Variants in TNRC18 observed in about 807,000 individuals in gnomAD.
TNRC18 encodes the protein trinucleotide repeat containing 18.
A neutral mutation model predicts 226.7 loss-of-function variants in TNRC18; 69 were observed. The ratio of observed to expected loss-of-function variants is 0.30; its 90% CI spans 0.25 to 0.37. TNRC18 has a LOEUF of 0.37. TNRC18 is among the 10% of genes least tolerant of loss of function. The pLI, the probability that TNRC18 is intolerant of heterozygous loss-of-function variation, is 1.00. For missense variants in TNRC18, 4,754 were observed against 4,256.6 expected (o/e 1.12, Z -3.25); for synonymous variants, 2,449 against 1,927.6 (o/e 1.27, Z -7.09).
At chr7:5,381,944 C>T (rs1779425203) in intron 5 of TNRC18, among the ~76,000 whole-genome samples, 1 of 151,556 alleles carries the variant, frequency 6.6e-6, no homozygotes, top group Non-Finnish European at 1.5e-5. Flanking sequence ...CCAGCCTGGG[C>T]GACAGAGTGA....
rs564545450 is a variant in TNRC18, at chr7:5,307,080, G to A, written c.*1026C>T. 6.7e-6 allele frequency: 1 copy of A among 149,674 alleles called. No homozygotes were observed. The highest frequency in any genetic ancestry group is 2.4e-5 in the African/African-American group (1 of 40,924). The allele number at this position is 149,674 out of a possible 1,614,324, so 9.3% of individuals were successfully genotyped here. ...TCCCTAACAAACACTTCTCTATCCT[G>A]GGGGGTGAGTACAGTACACTTGGTG... On this transcript the variant is annotated 3_prime_UTR_variant, in exon 30 of 30. Transcript: ENST00000430969.
rs553844238 is a variant in TNRC18 at position 5,394,737 on chromosome 7, G to A, written c.188-142C>T. ...TGATGCTGGCCAGGAGACCAAAGAG[G>A]GTTCCCCTGCTCCGGCCCCACCCCT... On this transcript the variant is annotated intron_variant, in intron 2 of 29. Transcript: ENST00000430969. The surrounding 1 kb of genome is among the most constrained non-coding windows in gnomAD (Gnocchi z 4.5). 126 of 669,288 alleles carry A rather than the reference G, an allele frequency of 1.9e-4. 1 individual carries two copies. The African/African-American group carries it at 2.1e-3, about 11-fold the overall frequency. 41.5% of individuals were successfully genotyped at this position (669,288 alleles called of 1,614,324 possible). A position where few individuals can be genotyped will look rare whatever the true frequency, so the allele number is the denominator to read the frequency against.
At chr7:5,390,827 C>T (rs1051729726) in intron 3 of TNRC18, among the ~76,000 whole-genome samples, 199 bp from the exon 4 acceptor site, 9 of 152,020 alleles carry the variant, frequency 5.9e-5, no homozygotes, top group Admixed American at 2.0e-4. Context: ...GCAGCCCTCA[C>T]GGGGGACTGG....
chr7:5,385,455 T>A (rs1166355594), intron 5 of TNRC18, among the ~76,000 whole-genome samples: 1 of 129,760 alleles, frequency 7.7e-6, no homozygotes, highest in African/African-American at 2.7e-5. Flanking sequence ...GCCACTGCAG[T>A]CCGCAGTCCG....
chr7:5,347,218 C>T (rs771009608), intron 17 of TNRC18, among the ~76,000 whole-genome samples: 2 of 147,690 alleles, frequency 1.4e-5, no homozygotes, highest in East Asian at 2.0e-4. Flanking sequence ...GATAGAGTCT[C>T]GCTCTGTCAC....
At chr7:5,308,711 C>T (rs1343469758) in intron 29 of TNRC18, among the ~76,000 whole-genome samples, 164 bp downstream of exon 29, 3 of 152,120 alleles carry the variant, frequency 2.0e-5, no homozygotes, top group South Asian at 2.1e-4. Flanking sequence ...ACCAGAGAGA[C>T]AGAGAACAGG....
rs1367005463 is a variant in TNRC18 at position 5,309,121 on chromosome 7, C to T, written c.8625+11G>A. The T allele has an allele frequency of 1.6e-5, 26 of 1,597,856 alleles. No homozygotes were observed. Among genetic ancestry groups the T allele is most frequent in the South Asian group, 7.9e-5 (7 of 89,028 alleles). On this transcript the variant is annotated intron_variant, in intron 28 of 29. Coordinates refer to ENST00000430969, the MANE Select transcript of TNRC18 (RefSeq NM_001080495.3). This position sits in a 1 kb window ranked among gnomAD's most constrained non-coding sequence, Gnocchi z 5.7. ...CTAGGACTGGGGGCCGCAGCCGGGC[C>T]GCAGGCTCACCTGGCCCTGGTGGAA...
At chr7:5,385,991 A>AAAAAAC (rs1779755791) in intron 5 of TNRC18, among the ~76,000 whole-genome samples, 1 of 148,748 alleles carries the variant, frequency 6.7e-6, no homozygotes, top group African/African-American at 2.5e-5. Flanking sequence ...TCAAAAAAAA[A>AAAAAAC]AAAAAAAAAA....
In TNRC18 at chr7:5,388,694, G is replaced by A. The variant is rs1462520136; in HGVS notation, c.1130C>T (p.Ser377Phe). The A allele has an allele frequency of 2.4e-6, 3 of 1,264,164 alleles. No homozygotes were observed. Among genetic ancestry groups the A allele is most frequent in the South Asian group, 2.1e-5 (1 of 46,852 alleles). 78.3% of individuals were successfully genotyped at this position (1,264,164 alleles called of 1,614,324 possible). The change falls in exon 5 of 30, where the codon TCC (serine) becomes TTC (phenylalanine). Residue 377 changes from serine (S) to phenylalanine (F), a missense_variant. Coordinates refer to ENST00000430969, the MANE Select transcript of TNRC18 (RefSeq NM_001080495.3). ...CGGGCGCTCGTCGAAGGCCTCCACG[G>A]AAGGCACGAAGGTGGGCGCCACCAC... ...HRVVAPTFVP[S>F]VEAFDERPGP...
At chr7:5,420,412 T>G (rs1782485662) in intron 2 of TNRC18, 1 of 455,684 alleles carries the variant, frequency 2.2e-6, no homozygotes, top group African/African-American at 2.0e-5. Context: ...AAACAAGGGG[T>G]CCCCGAGGGC....
At chr7:5,357,346 C>A in intron 15 of TNRC18, 70 bp from the exon 16 acceptor site, 1 of 1,484,794 alleles carries the variant, frequency 6.7e-7, no homozygotes, top group Non-Finnish European at 9.0e-7. Flanking sequence ...AGTGCACATG[C>A]TCTGCCCAGC....
chr7:5,380,094 C>T (rs76186494), intron 5 of TNRC18, among the ~76,000 whole-genome samples: 59 of 152,222 alleles, frequency 3.9e-4, no homozygotes, highest in Admixed American at 6.5e-4. Context: ...AACTTGGAAT[C>T]AAGCTTCTCC....
chr7:5,309,162 G>A lies in TNRC18; in HGVS notation c.8595C>T (p.Thr2865=), dbSNP rs756788969. ...RVKWFYHPEE[T]SPGKQFHQGQ... ...CCTGGTGGAACTGCTTGCCCGGGCT[G>A]GTCTCCTCGGGGTGGTAGAACCACT... Residue 2865 remains threonine (T), a synonymous_variant, in exon 28 of 30, where the codon ACC becomes ACT. Transcript: ENST00000430969. The surrounding 1 kb of genome is among the most constrained non-coding windows in gnomAD (Gnocchi z 5.7). The A allele has an allele frequency of 5.0e-6, 8 of 1,611,954 alleles. No homozygotes were observed. The highest frequency in any genetic ancestry group is 2.2e-5 in the East Asian group (1 of 44,864).
At chr7:5,390,837 GGGTCTCCAGTCCCCCCC>G (rs1780241330) in intron 3 of TNRC18, among the ~76,000 whole-genome samples, 1 of 151,984 alleles carries the variant, frequency 6.6e-6, no homozygotes, top group Non-Finnish European at 1.5e-5. Flanking sequence ...CGGGGGACTG[GGGTCTCCAGTCCCCCCC>G]AGAAAGAGGA....
chr7:5,409,851 C>T (rs1379106188), intron 2 of TNRC18, among the ~76,000 whole-genome samples: 2 of 148,420 alleles, frequency 1.3e-5, no homozygotes, highest in South Asian at 2.1e-4. Context: ...ATTAGCCAGG[C>T]GTGGTGGCCG....
intron 21 of TNRC18, among the ~76,000 whole-genome samples, chr7:5,322,608 C>T (rs1416885562): frequency 6.6e-6 from 1 of 152,226 alleles, no homozygotes; most frequent in African/African-American, 2.4e-5. Flanking sequence ...TGAGACTTTC[C>T]ATCCACTTTT....
rs549108764 is a variant in TNRC18, at chr7:5,389,471, T to TTTGTTTTTTTTTTC, written c.488-136_488-135insGAAAAAAAAAACAA. On this transcript the variant is annotated intron_variant, in intron 4 of 29. Transcript: ENST00000430969. ...AGTGTTTTGGTTTTGGTTTTTTTTT[T>TTTGTTTTTTTTTTC]CAGAAAGAGTCTCGCTCTCCTCACC... 32 of 927,110 alleles carry TTTGTTTTTTTTTTC rather than the reference T, an allele frequency of 3.5e-5. 1 individual carries two copies. The highest frequency in any genetic ancestry group is 2.1e-4 in the Admixed American group (4 of 19,462). The allele number at this position is 927,110 out of a possible 1,614,324, so 57.4% of individuals were successfully genotyped here.
At chr7:5,333,762 G>A (rs372955009) in intron 18 of TNRC18, among the ~76,000 whole-genome samples, 2 of 152,080 alleles carry the variant, frequency 1.3e-5, no homozygotes, top group East Asian at 1.9e-4. Context: ...CAGCTCCCCC[G>A]ACCTCTCCTT....
In TNRC18 at chr7:5,389,221, C is replaced by T. The variant is rs1030769141; in HGVS notation, c.603G>A (p.Ser201=). The T allele has an allele frequency of 2.2e-6, 3 of 1,333,676 alleles. No individual in the cohort carries two copies. Among genetic ancestry groups the T allele is most frequent in the East Asian group, 3.2e-5 (1 of 30,792 alleles). 82.6% of individuals were successfully genotyped at this position (1,333,676 alleles called of 1,614,324 possible). ...CCCGCTCCTTGGCTGGACCGTCCCG[C>T]GACGACGAGCCTTTGGCCGGGGCGC... ...SSGAPAKGSS[S]RDGPAKERAG... is the part of the protein sequence containing the mutation. The change falls in exon 5 of 30, where the codon TCG becomes TCA. Residue 201 remains serine, a synonymous_variant. Transcript: ENST00000430969.
Sources: gnomAD v4.1 joint callset for allele counts (sites outside exome capture counted in the v4.1 genomes callset) on GRCh38, gnomAD v4.1.1 for gene constraint, Gnocchi (gnomAD v3.1) non-coding constraint, MANE v1.5 for transcripts, NCBI Gene and HGNC (gene_info 2026-07-23, HGNC 2026-07-21) for gene names.